ALDH1A2: variants seen among roughly 807,000 people sequenced by gnomAD.
ALDH1A2 encodes retinal dehydrogenase 2.
A neutral mutation model predicts 60.3 loss-of-function variants in ALDH1A2; 27 were observed. The observed-to-expected ratio is 0.45, with a 90% CI of 0.33 to 0.62. The LOEUF (loss-of-function observed/expected upper bound fraction) is 0.62, where lower values mean the gene tolerates loss of function less well. Ranked by LOEUF, ALDH1A2 falls within the 20% of genes least tolerant of loss-of-function variation. The probability of loss-of-function intolerance (pLI) is 0.02; values close to 1 mark genes in which losing one functional copy is unlikely to be tolerated. For synonymous variants in ALDH1A2, 289 were observed against 232.4 expected (o/e 1.24, Z -2.21); for missense variants, 581 against 643.8 (o/e 0.90, Z 1.06).
chr15:58,003,875 G>A (rs1020320373), intron 4 of ALDH1A2, among the ~76,000 whole-genome samples: 4 of 151,862 alleles, frequency 2.6e-5, no homozygotes, highest in Admixed American at 6.6e-5. Flanking sequence ...CACTGCCATC[G>A]TAAAAGGGTC....
intron 1 of ALDH1A2, among the ~76,000 whole-genome samples, chr15:58,048,976 C>T (rs1289351239): frequency 1.3e-5 from 2 of 152,030 alleles, no homozygotes; most frequent in Non-Finnish European, 2.9e-5. Context: ...CTCCCTCTTA[C>T]CCACCCTGAC....
At chr15:57,973,025 A>T (rs1894122531) in intron 7 of ALDH1A2, among the ~76,000 whole-genome samples, 1 of 152,162 alleles carries the variant, frequency 6.6e-6, no homozygotes, top group Non-Finnish European at 1.5e-5. Context: ...GTAAATTAGA[A>T]TGAGTGATAA....
chr15:57,959,504 GA>G (rs1893650538), intron 12 of ALDH1A2, among the ~76,000 whole-genome samples: 1 of 152,168 alleles, frequency 6.6e-6, no homozygotes, highest in South Asian at 2.1e-4. Flanking sequence ...TACAGGTTAA[GA>G]AAAAGAGGAA....
chr15:57,974,440 A>C (rs1894173992), intron 7 of ALDH1A2, among the ~76,000 whole-genome samples: 1 of 66,590 alleles, frequency 1.5e-5, no homozygotes, highest in Non-Finnish European at 4.9e-5. Context: ...CTCAAAAAAA[A>C]AAAAAAAAAA....
At chr15:57,995,187 A>C (rs753773193) in intron 4 of ALDH1A2, 48 bp from the exon 5 acceptor site, 2 of 1,393,188 alleles carry the variant, frequency 1.4e-6, no homozygotes, top group South Asian at 1.2e-5. Flanking sequence ...GATTAGGAAA[A>C]AAAATGCAAA....
At chr15:57,959,437 C>A (rs745390038) in intron 12 of ALDH1A2, among the ~76,000 whole-genome samples, 1 of 152,210 alleles carries the variant, frequency 6.6e-6, no homozygotes, top group Non-Finnish European at 1.5e-5. Context: ...TAGGTTCTGG[C>A]TGTCAGAACA....
intron 1 of ALDH1A2, among the ~76,000 whole-genome samples, chr15:58,028,339 C>T (rs1896135647): frequency 1.3e-5 from 2 of 152,174 alleles, no homozygotes; most frequent in Admixed American, 1.3e-4. Flanking sequence ...CCTTCACAAA[C>T]AAGCAAATGC....
At chr15:58,050,045 C>T (rs561623480) in intron 1 of ALDH1A2, among the ~76,000 whole-genome samples, 7 of 151,978 alleles carry the variant, frequency 4.6e-5, no homozygotes, top group African/African-American at 1.4e-4. Flanking sequence ...TTCAAAGCCA[C>T]GGGGGTCCCC....
Position 58,025,264 on chromosome 15 carries a change from TAAAC to T in ALDH1A2, c.118-10987_118-10984del, listed in dbSNP as rs1431767049. 4.6e-5 allele frequency among the ~76,000 whole-genome samples: 7 copies of T among 151,914 alleles called. No homozygotes were observed. In the East Asian group the frequency reaches 9.6e-4, roughly 21 times the overall value. On this transcript the variant is annotated intron_variant, in intron 1 of 12. Coordinates refer to ENST00000249750, the MANE Select transcript of ALDH1A2 (RefSeq NM_003888.4). Reference sequence around the variant, plus strand: ...ACAAAAAGCTGGTTCTTTGAAGAGATAAACAAAATCGATAAACTGCTACCTAGAC... The same window carrying T: ...ACAAAAAGCTGGTTCTTTGAAGAGATAAAATCGATAAACTGCTACCTAGAC...
intron 7 of ALDH1A2, chr15:57,980,181 C>G (rs1894440624): frequency 3.5e-6 from 1 of 282,800 alleles, no homozygotes; most frequent in Admixed American, 4.3e-5. Flanking sequence ...ATGGCGGCGT[C>G]ACTGAAGTTC....
At chr15:57,998,038 GA>G (rs1250959200) in intron 4 of ALDH1A2, among the ~76,000 whole-genome samples, 2 of 151,982 alleles carry the variant, frequency 1.3e-5, no homozygotes, top group African/African-American at 4.8e-5. Flanking sequence ...GGCATTGATG[GA>G]ACATACCTCA....
intron 1 of ALDH1A2, among the ~76,000 whole-genome samples, chr15:58,063,309 C>G (rs1388000725): frequency 6.6e-6 from 1 of 152,170 alleles, no homozygotes; most frequent in Admixed American, 6.5e-5. Context: ...ATATTTAACA[C>G]GCCCTAACGC....
chr15:58,025,949 C>G (rs868695442), intron 1 of ALDH1A2, among the ~76,000 whole-genome samples: 99 of 152,336 alleles, frequency 6.5e-4, no homozygotes, highest in African/African-American at 2.2e-3. Flanking sequence ...ACTGACAGAT[C>G]CAGTCCCATG....
chr15:58,056,041 C>T (rs1393017788), intron 1 of ALDH1A2, among the ~76,000 whole-genome samples: 1 of 152,038 alleles, frequency 6.6e-6, no homozygotes, highest in Non-Finnish European at 1.5e-5. Flanking sequence ...AGACACAGCG[C>T]GAGCGCACAT....
chr15:57,964,379 C>T (rs1217493677), intron 8 of ALDH1A2: 2 of 283,068 alleles, frequency 7.1e-6, no homozygotes, highest in Non-Finnish European at 1.3e-5. Flanking sequence ...TATGAGTCTG[C>T]CAGGTGGTAA....
chr15:58,057,653 C>T (rs1896929832), intron 1 of ALDH1A2, among the ~76,000 whole-genome samples: 1 of 152,160 alleles, frequency 6.6e-6, no homozygotes, highest in African/African-American at 2.4e-5. Flanking sequence ...ACATCTCTAT[C>T]TTCTGAATCC....
intron 1 of ALDH1A2, among the ~76,000 whole-genome samples, chr15:58,016,879 C>G (rs1895803865): frequency 6.6e-6 from 1 of 152,116 alleles, no homozygotes; most frequent in East Asian, 1.9e-4. Flanking sequence ...TCTAGAGATG[C>G]CATCTTTGCC....
intron 7 of ALDH1A2, among the ~76,000 whole-genome samples, chr15:57,970,295 A>G (rs938013701): frequency 2.0e-5 from 3 of 152,214 alleles, no homozygotes; most frequent in Admixed American, 6.5e-5. Context: ...CTCCCTGCAG[A>G]GCCTCTCAGC....
intron 4 of ALDH1A2, among the ~76,000 whole-genome samples, chr15:58,006,201 A>G (rs545844399): frequency 1.3e-5 from 2 of 151,994 alleles, no homozygotes; most frequent in East Asian, 3.9e-4. Context: ...AAAGTCCATT[A>G]TAACAGTCTT....
Sources: gnomAD v4.1 joint callset for allele counts (sites outside exome capture counted in the v4.1 genomes callset) on GRCh38, gnomAD v4.1.1 for gene constraint, MANE v1.5 for transcripts, NCBI Gene and HGNC (gene_info 2026-07-23, HGNC 2026-07-21) for gene names.